Variants in STK3 observed in about 807,000 individuals in gnomAD.
STK3 encodes serine/threonine-protein kinase 3.
A neutral mutation model predicts 58.0 loss-of-function variants in STK3; 41 were observed. The ratio of observed to expected loss-of-function variants is 0.71; its 90% CI spans 0.55 to 0.92. The LOEUF (loss-of-function observed/expected upper bound fraction) is 0.92, where lower values mean the gene tolerates loss of function less well. STK3 is among the 40% of genes least tolerant of loss of function. The probability of loss-of-function intolerance (pLI) is 0.00; values close to 1 mark genes in which losing one functional copy is unlikely to be tolerated. For synonymous variants in STK3, 170 were observed against 191.0 expected, an observed-to-expected ratio of 0.89 and a Z score of 0.91; for missense variants, 479 against 602.7, an observed-to-expected ratio of 0.79 and a Z score of 2.15.
chr8:98,700,724 G>T (rs560540535), intron 6 of STK3, among the ~76,000 whole-genome samples: 12 of 152,138 alleles, frequency 7.9e-5, no homozygotes, highest in African/African-American at 2.6e-4. Context: ...AAAAATTCTT[G>T]GTTTGATTTC....
the STK3 span, among the ~76,000 whole-genome samples, chr8:98,362,838 T>C: frequency 6.6e-6 from 1 of 152,220 alleles, no homozygotes; most frequent in African/African-American, 2.4e-5. Context: ...TCCCTGGGTC[T>C]GCTCCCACAG....
intron 6 of STK3, among the ~76,000 whole-genome samples, chr8:98,684,988 C>T (rs1040298560): frequency 3.9e-5 from 6 of 152,080 alleles, no homozygotes; most frequent in African/African-American, 9.7e-5. Flanking sequence ...TGTCTGTACA[C>T]ATGTGCATAA....
chr8:98,614,378 A>C (rs1817475637), intron 6 of STK3, among the ~76,000 whole-genome samples: 1 of 151,680 alleles, frequency 6.6e-6, no homozygotes, highest in African/African-American at 2.4e-5. Flanking sequence ...ATAATAGGAA[A>C]ATCAAGCACT....
intron 1 of STK3, among the ~76,000 whole-genome samples, chr8:98,446,854 C>CA (rs1818972355): frequency 6.6e-6 from 1 of 152,030 alleles, no homozygotes; most frequent in African/African-American, 2.4e-5. Flanking sequence ...CCACCAATGA[C>CA]AGACTGGACA....
chr8:98,388,126 T>C (rs193257897), intron 1 of STK3: 6 of 152,344 alleles, frequency 3.9e-5, no homozygotes, highest in African/African-American at 1.4e-4. Context: ...ACCTTTGGAA[T>C]ATGCTAGATA....
intron 1 of STK3, among the ~76,000 whole-genome samples, chr8:98,819,693 G>T (rs918990064): frequency 3.3e-5 from 5 of 152,032 alleles, no homozygotes; most frequent in Admixed American, 6.6e-5. Context: ...GTCTGCTGGG[G>T]TTTTTTTAAG....
At chr8:98,344,936 C>T in the STK3 span, among the ~76,000 whole-genome samples, 1 of 149,190 alleles carries the variant, frequency 6.7e-6, no homozygotes, top group Non-Finnish European at 1.5e-5. Context: ...TGGGACTCTC[C>T]AAATTCTCAC....
intron 6 of STK3, among the ~76,000 whole-genome samples, chr8:98,676,446 C>G (rs1158707421): frequency 6.6e-6 from 1 of 152,120 alleles, no homozygotes; most frequent in Non-Finnish European, 1.5e-5. Flanking sequence ...AACCCAGTCT[C>G]TACTACATAT....
At chr8:98,806,630 A>G (rs1833900072) in intron 1 of STK3, among the ~76,000 whole-genome samples, 1 of 152,160 alleles carries the variant, frequency 6.6e-6, no homozygotes, top group African/African-American at 2.4e-5. Flanking sequence ...CCAGTATTAG[A>G]AAACACTGGA....
intron 3 of STK3, among the ~76,000 whole-genome samples, chr8:98,405,872 C>T (rs1196882462): frequency 6.6e-6 from 1 of 152,170 alleles, no homozygotes; most frequent in Non-Finnish European, 1.5e-5. Context: ...CTTATTCACT[C>T]TCACGGGAAC....
intron 3 of STK3, among the ~76,000 whole-genome samples, chr8:98,414,135 A>T (rs1254174737): frequency 6.6e-6 from 1 of 152,138 alleles, no homozygotes; most frequent in African/African-American, 2.4e-5. Flanking sequence ...ATAGTGGTGC[A>T]TGCCTGTATT....
intron 7 of STK3, among the ~76,000 whole-genome samples, chr8:98,591,039 C>T (rs1352029551): frequency 6.6e-6 from 1 of 151,944 alleles, no homozygotes; most frequent in Non-Finnish European, 1.5e-5. Flanking sequence ...ACAGATAGTC[C>T]CTGACTTACA....
chr8:98,784,685 T>C (rs1832343106), intron 1 of STK3, among the ~76,000 whole-genome samples: 2 of 152,110 alleles, frequency 1.3e-5, no homozygotes, highest in African/African-American at 4.8e-5. Flanking sequence ...CTGAGTTGCC[T>C]TACCCTTCCT....
intron 8 of STK3, among the ~76,000 whole-genome samples, chr8:98,576,898 T>C (rs1813444015): frequency 6.6e-6 from 1 of 152,156 alleles, no homozygotes; most frequent in Non-Finnish European, 1.5e-5. Context: ...ACTACAATTT[T>C]TTTTCAGAAC....
chr8:98,378,224 A>C (rs1414217728), intron 2 of STK3, among the ~76,000 whole-genome samples: 1 of 152,194 alleles, frequency 6.6e-6, no homozygotes. Flanking sequence ...CTAAGACATC[A>C]CCCTGAGGTC....
chr8:98,556,804 G>C (rs547630307), intron 8 of STK3, among the ~76,000 whole-genome samples: 1 of 152,028 alleles, frequency 6.6e-6, no homozygotes, highest in East Asian at 1.9e-4. Flanking sequence ...GGGTCATATA[G>C]TAACAGAAAT....
chr8:98,577,226 C>A (rs1329061882), intron 8 of STK3, among the ~76,000 whole-genome samples: 1 of 152,172 alleles, frequency 6.6e-6, no homozygotes, highest in African/African-American at 2.4e-5. Flanking sequence ...GTGGCTCATG[C>A]CTGTAATCCC....
chr8:98,491,338 A>AT (rs1370478385), intron 10 of STK3, among the ~76,000 whole-genome samples: 2 of 152,302 alleles, frequency 1.3e-5, no homozygotes, highest in East Asian at 3.9e-4. Context: ...GTCTATATAG[A>AT]TTTAAATTTA....
At chr8:98,691,800 C>T (rs556438885) in intron 6 of STK3, among the ~76,000 whole-genome samples, 17 of 151,688 alleles carry the variant, frequency 1.1e-4, no homozygotes, top group African/African-American at 2.4e-4. Flanking sequence ...GGCGTGGTGG[C>T]GCGCATCTGT....
Sources: gnomAD v4.1 joint callset for allele counts (sites outside exome capture counted in the v4.1 genomes callset) on GRCh38, gnomAD v4.1.1 for gene constraint, MANE v1.5 for transcripts, NCBI Gene and HGNC (gene_info 2026-07-23, HGNC 2026-07-21) for gene names.